COL5A1: variants seen among roughly 807,000 people sequenced by gnomAD.
COL5A1 encodes collagen alpha-1(V) chain.
A neutral mutation model predicts 263.7 loss-of-function variants in COL5A1; 16 were observed. That is an observed-to-expected ratio of 0.06 (90% CI 0.04 to 0.09). The LOEUF (loss-of-function observed/expected upper bound fraction) is 0.09. Ranked by LOEUF, COL5A1 falls within the 10% of genes least tolerant of loss-of-function variation. COL5A1 has a pLI of 1.00. For synonymous variants in COL5A1, 1,012 were observed against 1,004.5 expected (o/e 1.01, Z -0.14); for missense variants, 2,036 against 2,540.5 (o/e 0.80, Z 4.27).
chr9:134,831,543 G>A (rs1383132978), intron 64 of COL5A1, among the ~76,000 whole-genome samples: 4 of 152,224 alleles, frequency 2.6e-5, no homozygotes, highest in Admixed American at 1.3e-4. Context: ...ACAGAGCGTA[G>A]GGGATGCTGA....
chr9:134,648,810 G>A (rs1831563361), intron 1 of COL5A1, among the ~76,000 whole-genome samples: 1 of 152,210 alleles, frequency 6.6e-6, no homozygotes, highest in South Asian at 2.1e-4. Context: ...GGTCAGTTCA[G>A]CGGATCGCTC....
At chr9:134,674,838 G>A (rs556834246) in intron 1 of COL5A1, among the ~76,000 whole-genome samples, 11 of 152,044 alleles carry the variant, frequency 7.2e-5, no homozygotes, top group South Asian at 6.3e-4. Flanking sequence ...CTGAGATGGC[G>A]CCACTGCACC....
intron 4 of COL5A1, among the ~76,000 whole-genome samples, chr9:134,717,430 T>G (rs1198704414): frequency 3.3e-5 from 5 of 152,050 alleles, no homozygotes; most frequent in Non-Finnish European, 5.9e-5. Context: ...GAAAGAATGG[T>G]TTAACGTGGT....
chr9:134,780,154 T>C lies in COL5A1; in HGVS notation c.2430+8T>C. ...GGCACAAAGGGCGAGAAGGTAAGTC[T>C]CTCCTTGCAGCCACGGGGCCCCCTG... On this transcript the variant is annotated splice_region_variant and intron_variant, in intron 28 of 65. Transcript: ENST00000371817. 1 of 1,613,184 alleles carries C rather than the reference T, an allele frequency of 6.2e-7. No homozygotes were observed. The highest frequency in any genetic ancestry group is 8.5e-7 in the Non-Finnish European group (1 of 1,179,998).
At position 134,765,914 on chromosome 9, in the gene COL5A1, C is replaced by T. The variant is rs1414759660; in HGVS notation, c.2088+180C>T. 1.3e-5 allele frequency among the ~76,000 whole-genome samples: 2 copies of T among 152,220 alleles called. No homozygotes were observed. The highest frequency in any genetic ancestry group is 2.9e-5 in the Non-Finnish European group (2 of 68,016). On this transcript the variant is annotated intron_variant, in intron 21 of 65. Transcript: ENST00000371817. This position sits in a 1 kb window ranked among gnomAD's most constrained non-coding sequence, Gnocchi z 5.1. ...TGTTCAGACGCTGTAGACACGGCCC[C>T]AGCAGGTGTGGCCTTGCAGGTGGAG...
chr9:134,713,706 T>A (rs1834149696), intron 4 of COL5A1, among the ~76,000 whole-genome samples: 1 of 152,070 alleles, frequency 6.6e-6, no homozygotes, highest in African/African-American at 2.4e-5. Context: ...CGATCATCAG[T>A]GTGGTGTGGC....
chr9:134,762,002 A>G (rs1836464423), intron 19 of COL5A1, 24 bp downstream of exon 19: 1 of 1,612,068 alleles, frequency 6.2e-7, no homozygotes, highest in Admixed American at 1.7e-5. Context: ...CGTCCCTCCG[A>G]CTGCTCCTGC....
chr9:134,785,932 G>C (rs1438246688), intron 30 of COL5A1, 63 bp from the exon 31 acceptor site: 1 of 1,489,764 alleles, frequency 6.7e-7, no homozygotes, highest in African/African-American at 1.4e-5. Context: ...CTTTCTCTCT[G>C]CTCCGGGGAA....
rs1275567933 is a variant in COL5A1, at chr9:134,681,103, C to T, written c.110-9809C>T. On this transcript the variant is annotated intron_variant, in intron 1 of 65. Coordinates refer to ENST00000371817, the MANE Select transcript of COL5A1 (RefSeq NM_000093.5). This position sits in a 1 kb window ranked among gnomAD's most constrained non-coding sequence, Gnocchi z 4.3. The stretch of plus-strand genomic sequence containing the variant: ...AGAATTTCAGTCGCAGCCTCCAGAG[C>T]GCCTCTGTTTTTCGACCTGCTGGGT... Among the ~76,000 whole-genome samples, 4 of 152,146 alleles carry T rather than the reference C, an allele frequency of 2.6e-5. No individual in the cohort carries two copies. The East Asian group carries it at 5.8e-4, about 22-fold the overall frequency.
At chr9:134,670,879 G>A (rs961335139) in intron 1 of COL5A1, among the ~76,000 whole-genome samples, 2 of 152,168 alleles carry the variant, frequency 1.3e-5, no homozygotes, top group African/African-American at 2.4e-5. Flanking sequence ...GCTGACTTGC[G>A]GGTCTTCTCC....
In COL5A1 at chr9:134,716,059, G is replaced by A. The variant is rs1834251711; in HGVS notation, c.655-11207G>A. On this transcript the variant is annotated intron_variant, in intron 4 of 65. Coordinates refer to ENST00000371817, the MANE Select transcript of COL5A1 (RefSeq NM_000093.5). This position sits in a 1 kb window ranked among gnomAD's most constrained non-coding sequence, Gnocchi z 4.5. ...GGTTTTGGTGCTGGTAGCACTGCTG[G>A]TGGTGGTCATGATGCTAGCAGTGTG... 6.6e-6 allele frequency among the ~76,000 whole-genome samples: 1 copy of A among 152,112 alleles called. No individual in the cohort carries two copies. The highest frequency in any genetic ancestry group is 2.4e-5 in the African/African-American group (1 of 41,408).
chr9:134,698,544 C>A (rs569932014), intron 2 of COL5A1, among the ~76,000 whole-genome samples: 1 of 152,342 alleles, frequency 6.6e-6, no homozygotes, highest in South Asian at 2.1e-4. Context: ...CTGTGACAGG[C>A]AGCATTCTCC....
chr9:134,831,428 C>T (rs903040448), intron 64 of COL5A1, among the ~76,000 whole-genome samples: 73 of 152,164 alleles, frequency 4.8e-4, no homozygotes, highest in South Asian at 2.1e-4. Context: ...TCCTTTTCCC[C>T]GCCTCCTCTG....
At chr9:134,690,317 G>A (rs1833232630) in intron 1 of COL5A1, among the ~76,000 whole-genome samples, 1 of 152,160 alleles carries the variant, frequency 6.6e-6, no homozygotes, top group African/African-American at 2.4e-5. Context: ...AATGACGGGG[G>A]GATAAACTAG....
At chr9:134,798,858 T>C (rs1838011256) in intron 37 of COL5A1, among the ~76,000 whole-genome samples, 1 of 152,248 alleles carries the variant, frequency 6.6e-6, no homozygotes, top group African/African-American at 2.4e-5. Context: ...GGGATACGTC[T>C]TTTAATTGAG....
intron 48 of COL5A1, among the ~76,000 whole-genome samples, chr9:134,813,536 C>G (rs1308108574): frequency 6.6e-6 from 1 of 152,174 alleles, no homozygotes; most frequent in East Asian, 1.9e-4. Flanking sequence ...CCTTGGTGTC[C>G]CCGCTGTAGG....
At chr9:134,769,650 G>A (rs944219167) in intron 25 of COL5A1, among the ~76,000 whole-genome samples, 1 of 152,204 alleles carries the variant, frequency 6.6e-6, no homozygotes, top group African/African-American at 2.4e-5. Context: ...AGTATGGGCC[G>A]CAATCTGTGG....
In COL5A1 at chr9:134,788,202, A is replaced by G. The variant is rs553976562; in HGVS notation, c.2647-953A>G. ...GAGGGGTGGGTTTATAGGTAGGCAA[A>G]TCGATGAATGGGTAGGTGGGTAGGT... On this transcript the variant is annotated intron_variant, in intron 31 of 65. Coordinates refer to ENST00000371817, the MANE Select transcript of COL5A1 (RefSeq NM_000093.5). 2.0e-5 allele frequency among the ~76,000 whole-genome samples: 3 copies of G among 149,734 alleles called. No individual in the cohort carries two copies. The East Asian group carries it at 6.0e-4, about 30-fold the overall frequency.
chr9:134,797,552 G>T (rs1036965479), intron 36 of COL5A1, among the ~76,000 whole-genome samples: 1 of 152,086 alleles, frequency 6.6e-6, no homozygotes, highest in African/African-American at 2.4e-5. Flanking sequence ...GCTCGATCTC[G>T]GCTCACTGCA....
Sources: allele counts gnomAD v4.1 joint callset (sites outside exome capture counted in the v4.1 genomes callset), GRCh38; gene constraint gnomAD v4.1.1; non-coding constraint Gnocchi (gnomAD v3.1); transcripts MANE v1.5; gene names NCBI Gene and HGNC (gene_info 2026-07-23, HGNC 2026-07-21).